Variants in HLA-DRB5 observed in about 807,000 individuals in gnomAD.
HLA-DRB5 encodes DR beta-5.
Under a neutral mutation model 22.4 loss-of-function variants are expected in HLA-DRB5, and 11 were observed. The ratio of observed to expected loss-of-function variants is 0.49; its 90% confidence interval spans 0.31 to 0.81. The LOEUF is 0.81. Among genes scored for constraint, HLA-DRB5 ranks in the 40% least tolerant of loss-of-function variants. The pLI, the probability that HLA-DRB5 is intolerant of heterozygous loss-of-function variation, is 0.05. For missense variants in HLA-DRB5, 106 were observed against 274.4 expected (o/e 0.39, Z 4.34); for synonymous variants, 57 against 106.0 (o/e 0.54, Z 2.84).
rs1395721317 is a variant in HLA-DRB5, at chr6:32,524,039, G to C, written c.101-1865C>G. On this transcript the variant is annotated intron_variant, in intron 1 of 5. Transcript: ENST00000374975. The stretch of plus-strand genomic sequence containing the variant: ...CACAAGTTCCCCAAGGGTGATGGGA[G>C]GGAAAGGAGCGGTGGTGAACGATCC... Among the ~76,000 whole-genome samples the C allele has an allele frequency of 4.2e-5, 2 of 47,492 alleles. 1 individual carries two copies. Among genetic ancestry groups the C allele is most frequent in the Non-Finnish European group, 8.8e-5 (2 of 22,752 alleles). The allele number at this position is 47,492 out of a possible 152,430, so 31.2% of individuals were successfully genotyped here. A position where few individuals can be genotyped will look rare whatever the true frequency, so the allele number is the denominator to read the frequency against.
intron 2 of HLA-DRB5, among the ~76,000 whole-genome samples, chr6:32,520,240 G>C (rs537244054): frequency 0.014 from 625 of 43,698 alleles, 34 homozygotes; most frequent in African/African-American, 0.022. Flanking sequence ...TACAGTTTGA[G>C]AGAAAAATAT....
intron 1 of HLA-DRB5, among the ~76,000 whole-genome samples, chr6:32,528,866 C>A (rs146270617): frequency 8.5e-4 from 15 of 17,594 alleles, no homozygotes; most frequent in Admixed American, 2.1e-3. Context: ...TAGCTTGAGT[C>A]TTGGAGGCAG....
At position 32,519,439 on chromosome 6, in the gene HLA-DRB5, G is replaced by A. The variant is rs774817822; in HGVS notation, c.583C>T (p.Arg195Ter). ...TGGCAGGTGTAAACCTCTCCACTTC[G>A]AGGAACTGTTTCCAGCATCACCAGG... The part of the protein sequence containing the change: ...QTLVMLETVP[R>*]SGEVYTCQVE... The change falls in exon 3 of 6, where the codon CGA (arginine) becomes TGA (stop). Residue 195 changes from arginine to a stop codon, truncating the protein, a stop_gained. Transcript: ENST00000374975. LOFTEE classifies it high-confidence loss of function. 10 of 1,319,532 alleles carry A rather than the reference G, an allele frequency of 7.6e-6. No homozygotes were observed. Among genetic ancestry groups the A allele is most frequent in the East Asian group, 2.6e-5 (1 of 39,182 alleles). 81.7% of individuals were successfully genotyped at this position (1,319,532 alleles called of 1,614,324 possible).
chr6:32,527,436 C>T (rs35556553), intron 1 of HLA-DRB5, among the ~76,000 whole-genome samples: 5,639 of 33,840 alleles, frequency 0.17, 2,591 homozygotes, highest in Middle Eastern at 0.5. Context: ...AAGGCAGAGG[C>T]TGCAGTGAGC....
rs375258512 is a variant in HLA-DRB5 at position 32,530,261 on chromosome 6, A to G, written c.-37T>C. 59 of 1,273,234 alleles carry G rather than the reference A, an allele frequency of 4.6e-5. 1 individual carries two copies. The African/African-American group carries it at 9.2e-4, about 20-fold the overall frequency. The allele number at this position is 1,273,234 out of a possible 1,614,324, so 78.9% of individuals were successfully genotyped here. A position where few individuals can be genotyped will look rare whatever the true frequency, so the allele number is the denominator to read the frequency against. On this transcript the variant is annotated 5_prime_UTR_variant, in exon 1 of 6. Transcript: ENST00000374975. ...GGACAGGACCAGGGGCCAGAGGAGC[A>G]GGCAAGTCTCACTCAGGGAGAACTA...
rs539638110 is a variant in HLA-DRB5 at position 32,518,983 on chromosome 6, G to A, written c.653-317C>T. ...GCTAATAAAAGGCAGAGCTGATATT[G>A]GACTCCCCTCATGTCAGGAAGGCCC... On this transcript the variant is annotated intron_variant, in intron 3 of 5. Coordinates refer to ENST00000374975, the MANE Select transcript of HLA-DRB5 (RefSeq NM_002125.4). Among the ~76,000 whole-genome samples the A allele has an allele frequency of 5.9e-4, 61 of 103,228 alleles. 2 individuals are homozygous for A. The highest frequency in any genetic ancestry group is 8.3e-4 in the East Asian group (3 of 3,624). 67.7% of individuals were successfully genotyped at this position (103,228 alleles called of 152,430 possible). A position where few individuals can be genotyped will look rare whatever the true frequency, so the allele number is the denominator to read the frequency against.
rs1470481009 is a variant in HLA-DRB5, at chr6:32,522,252, C to T, written c.101-78G>A. 81 of 511,838 alleles carry T rather than the reference C, an allele frequency of 1.6e-4. 28 individuals carry two copies. Among genetic ancestry groups the T allele is most frequent in the Non-Finnish European group, 2.3e-4 (81 of 351,156 alleles). The allele number at this position is 511,838 out of a possible 1,614,324, so 31.7% of individuals were successfully genotyped here. On this transcript the variant is annotated intron_variant, in intron 1 of 5. Transcript: ENST00000374975. ...GACAGAGACGCCGCCATCCGGGGCT[C>T]CCTGGGCGGGGTGCGGGCACTGGAA...
rs1314600574 is a variant in HLA-DRB5 at position 32,521,883 on chromosome 6, C to A, written c.370+22G>T. On this transcript the variant is annotated intron_variant, in intron 2 of 5. Transcript: ENST00000374975. ...GATTCCCAGCTCACAAGGACCCAGGCCCCGCCCCCCACCATGCTCACCTCG... is the reference window on the plus strand; with the variant it reads ...GATTCCCAGCTCACAAGGACCCAGGACCCGCCCCCCACCATGCTCACCTCG... The A allele has an allele frequency of 4.2e-6, 5 of 1,179,412 alleles. No individual in the cohort carries two copies. In the African/African-American group the frequency reaches 8.7e-5, roughly 21 times the overall value. 73.1% of individuals were successfully genotyped at this position (1,179,412 alleles called of 1,614,324 possible). A position where few individuals can be genotyped will look rare whatever the true frequency, so the allele number is the denominator to read the frequency against.
chr6:32,519,012 C>G (rs112416944), intron 3 of HLA-DRB5, among the ~76,000 whole-genome samples: 2,115 of 82,922 alleles, frequency 0.026, no homozygotes, highest in East Asian at 0.036. Flanking sequence ...AAGGCCCCTA[C>G]ACTTCTCCTC....
chr6:32,528,314 C>T (rs1319707014), intron 1 of HLA-DRB5, among the ~76,000 whole-genome samples: 3,062 of 85,384 alleles, frequency 0.036, 2 homozygotes, highest in Admixed American at 0.042. Flanking sequence ...TAGTGTCTGT[C>T]TCCTCCACTC....
chr6:32,520,842 T>G (rs1768761257), intron 2 of HLA-DRB5, among the ~76,000 whole-genome samples: 1 of 59,732 alleles, frequency 1.7e-5, no homozygotes. Context: ...AATCAAAAAC[T>G]GGAGAAAATG....
At chr6:32,527,129 G>C (rs374732168) in intron 1 of HLA-DRB5, among the ~76,000 whole-genome samples, 4,167 of 90,834 alleles carry the variant, frequency 0.046, 41 homozygotes, top group East Asian at 0.068. Context: ...ATTCCCTGCT[G>C]TGCTCCTAAA....
intron 1 of HLA-DRB5, among the ~76,000 whole-genome samples, chr6:32,523,166 C>T (rs144113929): frequency 0.025 from 1,099 of 43,264 alleles, 9 homozygotes; most frequent in East Asian, 0.03. Context: ...CCATGAATGT[C>T]CACAAACCTT....
intron 1 of HLA-DRB5, 67 bp downstream of exon 1, chr6:32,530,058 A>ATAGTGACAAATTTAGCTCCCTACTTTAC (rs1770179827): frequency 1.2e-6 from 1 of 821,708 alleles, no homozygotes; most frequent in Non-Finnish European, 1.9e-6. Context: ...TGGCCTGGGC[A>ATAGTGACAAATTTAGCTCCCTACTTTAC]CAATGTTAAC....
At chr6:32,529,877 GA>G (rs1770134815) in intron 1 of HLA-DRB5, among the ~76,000 whole-genome samples, 1 of 150,332 alleles carries the variant, frequency 6.7e-6, no homozygotes, top group African/African-American at 2.5e-5. Flanking sequence ...GACATGTGAT[GA>G]AAAGGTTTCA....
chr6:32,522,496 T>G lies in HLA-DRB5; in HGVS notation c.101-322A>C, dbSNP rs1302159621. 1.2e-4 allele frequency among the ~76,000 whole-genome samples: 5 copies of G among 40,574 alleles called. 2 individuals are homozygous for G. Among genetic ancestry groups the G allele is most frequent in the Non-Finnish European group, 2.1e-4 (4 of 19,410 alleles). 26.6% of individuals were successfully genotyped at this position (40,574 alleles called of 152,430 possible). A position where few individuals can be genotyped will look rare whatever the true frequency, so the allele number is the denominator to read the frequency against. ...CACCGGAGCCCGCGCCGCCTCCTCC[T>G]GGGAGCCTGCACCCCAAAGACAATC... On this transcript the variant is annotated intron_variant, in intron 1 of 5. Coordinates refer to ENST00000374975, the MANE Select transcript of HLA-DRB5 (RefSeq NM_002125.4).
chr6:32,530,147 C>T lies in HLA-DRB5; in HGVS notation c.78G>A (p.Leu26=), dbSNP rs1342876377. 2.6e-6 allele frequency: 4 copies of T among 1,555,316 alleles called. No homozygotes were observed. In the East Asian group the frequency reaches 7.0e-5, roughly 27 times the overall value. ...TACGTCGGGTGTCCCCAGCCAAAGC[C>T]AGTGGGGAGCTCAGCACCATCAGTG... ...TVTLMVLSSP[L]ALAGDTRPRF... is the part of the protein sequence containing the mutation. The change falls in exon 1 of 6, where the codon CTG becomes CTA. Residue 26 remains leucine, a synonymous_variant. Coordinates refer to ENST00000374975, the MANE Select transcript of HLA-DRB5 (RefSeq NM_002125.4).
intron 1 of HLA-DRB5, among the ~76,000 whole-genome samples, chr6:32,528,055 C>T (rs867566798): frequency 0.012 from 575 of 46,240 alleles, 23 homozygotes; most frequent in Middle Eastern, 0.029. Context: ...CTTTCTGTCC[C>T]TGCACATAAT....
intron 2 of HLA-DRB5, among the ~76,000 whole-genome samples, chr6:32,520,712 A>T (rs112944250): frequency 1.8e-4 from 9 of 48,692 alleles, no homozygotes; most frequent in Non-Finnish European, 2.8e-4. Context: ...CTGGAGACAA[A>T]AATACCACAA....
Sources: gnomAD v4.1 joint callset for allele counts (sites outside exome capture counted in the v4.1 genomes callset) on GRCh38, gnomAD v4.1.1 for gene constraint, MANE v1.5 for transcripts, NCBI Gene and HGNC (gene_info 2026-07-23, HGNC 2026-07-21) for gene names.